The following SP4 variants were observed in gnomAD, a reference collection of about 807,000 sequenced individuals.
The protein encoded by SP4 is Sp4 transcription factor, also known as transcription factor Sp4.
Under a neutral mutation model 72.8 loss-of-function variants are expected in SP4, and 19 were observed. That is an observed-to-expected ratio of 0.26 (90% CI 0.18 to 0.38). The LOEUF is 0.38. Ranked by LOEUF, SP4 falls within the 10% of genes least tolerant of loss-of-function variation. SP4 has a pLI of 1.00. For missense variants in SP4, 1,008 were observed against 926.3 expected (o/e 1.09, Z -1.14); for synonymous variants, 395 against 333.1 (o/e 1.19, Z -2.02).
intron 3 of SP4, among the ~76,000 whole-genome samples, chr7:21,451,633 A>AT (rs1468263868): frequency 6.6e-6 from 1 of 152,038 alleles, no homozygotes; most frequent in Non-Finnish European, 1.5e-5. Context: ...CAGGGGCAGG[A>AT]TTTTGCCTCT....
chr7:21,487,077 T>A (rs1242710809), intron 5 of SP4, among the ~76,000 whole-genome samples: 1 of 152,232 alleles, frequency 6.6e-6, no homozygotes, highest in Non-Finnish European at 1.5e-5. Flanking sequence ...TTATTTACAT[T>A]GGTATGGTCT....
intron 3 of SP4, among the ~76,000 whole-genome samples, chr7:21,452,954 A>T (rs1223544441): frequency 2.6e-5 from 4 of 151,862 alleles, no homozygotes; most frequent in Admixed American, 2.6e-4. Flanking sequence ...GCTAATTTTT[A>T]TATTTTTAGT....
intron 3 of SP4, among the ~76,000 whole-genome samples, chr7:21,474,702 G>A (rs1784445280): frequency 6.6e-6 from 1 of 152,234 alleles, no homozygotes; most frequent in South Asian, 2.1e-4. Context: ...ATGGAAGTCA[G>A]TGTTACTATT....
chr7:21,489,328 T>TTTG (rs1031197850), intron 5 of SP4, among the ~76,000 whole-genome samples: 4 of 151,822 alleles, frequency 2.6e-5, no homozygotes, highest in East Asian at 1.9e-4. Context: ...CTCACAGAAT[T>TTTG]TTGTTGTTGT....
Position 21,429,989 on chromosome 7 carries a change from C to A in SP4, c.824C>A (p.Ala275Asp), listed in dbSNP as rs1258590890. 6.2e-7 allele frequency: 1 copy of A among 1,614,200 alleles called. No individual in the cohort carries two copies. Among genetic ancestry groups the A allele is most frequent in the Non-Finnish European group, 8.5e-7 (1 of 1,180,028 alleles). Residue 275 changes from alanine to aspartate, a missense_variant, in exon 3 of 6, where the codon GCT becomes GAT. Around this residue, in one of 3 missense-constraint regions of SP4, gnomAD observed 893 missense variants for 743.3 expected, o/e 1.20. Transcript: ENST00000222584. ...GCTTTGCCAGTGATAAACAACGTGG[C>A]TGCCGGAGGAGGGACTGGGCAGGTT... is the stretch of plus-strand genomic sequence containing the variant. ...TLALPVINNV[A>D]AGGGTGQVGQ...
chr7:21,509,066 T>G (rs1327939855), intron 5 of SP4, among the ~76,000 whole-genome samples: 2 of 152,124 alleles, frequency 1.3e-5, no homozygotes, highest in Non-Finnish European at 2.9e-5. Context: ...TGATTGTACC[T>G]CAGTTCATTT....
At chr7:21,479,055 G>A (rs1157150869) in intron 4 of SP4, among the ~76,000 whole-genome samples, 4 of 147,650 alleles carry the variant, frequency 2.7e-5, no homozygotes, top group East Asian at 2.0e-4. Context: ...GTGAAAGAGC[G>A]AAACTCCATC....
chr7:21,449,162 C>T (rs1396443570), intron 3 of SP4, among the ~76,000 whole-genome samples: 1 of 152,190 alleles, frequency 6.6e-6, no homozygotes, highest in African/African-American at 2.4e-5. Flanking sequence ...CTGTGCCCCA[C>T]GGTCTTCTAA....
chr7:21,460,086 T>G (rs1187101138), intron 3 of SP4, among the ~76,000 whole-genome samples: 1 of 149,302 alleles, frequency 6.7e-6, no homozygotes, highest in Non-Finnish European at 1.5e-5. Flanking sequence ...TTGAACTAAT[T>G]CTTTGAGAAA....
intron 3 of SP4, among the ~76,000 whole-genome samples, chr7:21,443,108 A>G (rs1257273622): frequency 6.6e-6 from 1 of 152,232 alleles, no homozygotes; most frequent in East Asian, 1.9e-4. Context: ...TTGAATTGTG[A>G]GCCTCATGTG....
Position 21,429,789 on chromosome 7 carries a change from C to G in SP4, c.624C>G (p.Leu208=), listed in dbSNP as rs769852587. 8 of 1,614,028 alleles carry G rather than the reference C, an allele frequency of 5.0e-6. No individual in the cohort carries two copies. The African/African-American group carries it at 1.1e-4, about 22-fold the overall frequency. Residue 208 remains leucine, a synonymous_variant, in exon 3 of 6, where the codon CTC becomes CTG. Coordinates refer to ENST00000222584, the MANE Select transcript of SP4 (RefSeq NM_003112.5). ...LISAGNNQAI[L]TAANRTASGN... is the part of the protein sequence containing the mutation. ...CTGCAGGTAATAATCAAGCTATACT[C>G]ACAGCTGCTAACAGGACAGCTTCTG...
intron 3 of SP4, among the ~76,000 whole-genome samples, chr7:21,446,727 T>C (rs757134590): frequency 8.5e-5 from 13 of 152,240 alleles, no homozygotes; most frequent in Non-Finnish European, 1.8e-4. Context: ...GGAAAAATAC[T>C]ATTTACTAAT....
intron 5 of SP4, among the ~76,000 whole-genome samples, chr7:21,489,092 G>A (rs1784902225): frequency 6.6e-6 from 1 of 152,112 alleles, no homozygotes; most frequent in Non-Finnish European, 1.5e-5. Flanking sequence ...TGCAACTGCA[G>A]TATAGGTTCT....
chr7:21,432,259 A>G (rs1782885642), intron 3 of SP4, among the ~76,000 whole-genome samples: 2 of 152,224 alleles, frequency 1.3e-5, no homozygotes, highest in Admixed American at 6.5e-5. Flanking sequence ...CAGCGTAATT[A>G]CATAAATGTT....
intron 5 of SP4, among the ~76,000 whole-genome samples, chr7:21,500,630 G>A (rs1781839923): frequency 6.6e-6 from 1 of 152,126 alleles, no homozygotes; most frequent in Admixed American, 6.5e-5. Context: ...GCAGTTGGGA[G>A]CCTCCAGTGT....
At chr7:21,428,345 C>T in intron 1 of SP4, 87 bp downstream of exon 1, 2 of 732,072 alleles carry the variant, frequency 2.7e-6, no homozygotes, top group Non-Finnish European at 2.5e-6. Flanking sequence ...CCCCCCTCCC[C>T]CGGGGCCGCT....
At chr7:21,464,190 G>A (rs915845830) in intron 3 of SP4, among the ~76,000 whole-genome samples, 8 of 142,266 alleles carry the variant, frequency 5.6e-5, no homozygotes, top group East Asian at 4.2e-4. Context: ...ATGGCCTCCC[G>A]GGTTCATGCC....
At chr7:21,485,169 G>A (rs1476251498) in intron 5 of SP4, among the ~76,000 whole-genome samples, 4 of 151,818 alleles carry the variant, frequency 2.6e-5, no homozygotes, top group Admixed American at 6.6e-5. Context: ...AATAAGTATT[G>A]ATTAAGCATT....
intron 3 of SP4, among the ~76,000 whole-genome samples, chr7:21,462,033 T>TG (rs937716395): frequency 2.7e-5 from 4 of 149,874 alleles, no homozygotes; most frequent in Non-Finnish European, 4.5e-5. Context: ...TTTAGTTTTT[T>TG]TTTTTTTTTT....
Sources: gnomAD v4.1 joint callset for allele counts (sites outside exome capture counted in the v4.1 genomes callset) on GRCh38, gnomAD v4.1.1 for gene constraint, gnomAD v4.1.1 regional missense constraint, MANE v1.5 for transcripts, NCBI Gene and HGNC (gene_info 2026-07-23, HGNC 2026-07-21) for gene names.